RALY: variants seen among roughly 807,000 people sequenced by gnomAD.
RALY encodes the protein RALY heterogeneous nuclear ribonucleoprotein, also known as RNA-binding protein Raly.
A neutral mutation model predicts 30.7 loss-of-function variants in RALY; 15 were observed. The ratio of observed to expected loss-of-function variants is 0.49; its 90% CI spans 0.33 to 0.75. The LOEUF (loss-of-function observed/expected upper bound fraction) is 0.75. Among genes scored for constraint, RALY ranks in the 30% least tolerant of loss-of-function variants. RALY has a pLI of 0.02. For missense variants in RALY, 339 were observed against 414.3 expected (o/e 0.82, Z 1.58); for synonymous variants, 177 against 170.8 (o/e 1.04, Z -0.28).
intron 1 of RALY, among the ~76,000 whole-genome samples, chr20:33,997,041 C>T (rs1293352816): frequency 2.0e-5 from 3 of 152,178 alleles, no homozygotes; most frequent in African/African-American, 4.8e-5. Context: ...TTTTCTCCCC[C>T]TTAGGTTGAT....
intron 2 of RALY, among the ~76,000 whole-genome samples, chr20:34,067,818 T>TTTC (rs540620120): frequency 3.4e-4 from 42 of 123,762 alleles, no homozygotes; most frequent in African/African-American, 1.5e-3. Context: ...TCTTTTTTCT[T>TTTC]TTTTTTTTTT....
At chr20:34,028,856 T>C (rs1048005448) in intron 1 of RALY, among the ~76,000 whole-genome samples, 1 of 151,618 alleles carries the variant, frequency 6.6e-6, no homozygotes, top group Non-Finnish European at 1.5e-5. Context: ...GAGACAACAG[T>C]GTGGACCAAA....
intron 2 of RALY, among the ~76,000 whole-genome samples, chr20:34,035,945 T>C (rs1258139506): frequency 1.3e-5 from 2 of 152,170 alleles, no homozygotes; most frequent in Non-Finnish European, 2.9e-5. Flanking sequence ...TTTCTAGGCA[T>C]AGAGCGTGCT....
chr20:33,997,972 G>T (rs1428791360), intron 1 of RALY, among the ~76,000 whole-genome samples: 2 of 152,216 alleles, frequency 1.3e-5, no homozygotes, highest in African/African-American at 2.4e-5. Context: ...TGAGGTCAGT[G>T]TGTTGAATTT....
intron 1 of RALY, among the ~76,000 whole-genome samples, chr20:34,001,696 C>T (rs1483930260): frequency 6.6e-6 from 1 of 152,204 alleles, no homozygotes; most frequent in Non-Finnish European, 1.5e-5. Context: ...GGGTCATTTC[C>T]ATAACTTCAT....
chr20:34,041,863 T>C (rs2032713494), intron 2 of RALY, among the ~76,000 whole-genome samples: 1 of 152,146 alleles, frequency 6.6e-6, no homozygotes, highest in East Asian at 1.9e-4. Flanking sequence ...GCCAGCACTT[T>C]GGGAGGCTGA....
At chr20:34,072,452 A>G (rs950287586) in intron 3 of RALY, 122 bp downstream of exon 3, 12 of 1,304,618 alleles carry the variant, frequency 9.2e-6, no homozygotes, top group Non-Finnish European at 1.2e-5. Flanking sequence ...TTATAAATTT[A>G]TAAGCTATGT....
At chr20:34,054,251 C>T (rs2033170944) in intron 2 of RALY, among the ~76,000 whole-genome samples, 1 of 152,128 alleles carries the variant, frequency 6.6e-6, no homozygotes, top group Non-Finnish European at 1.5e-5. Flanking sequence ...TCACTGGTTG[C>T]TAGTATAGTG....
At chr20:34,066,354 C>CT (rs1376118108) in intron 2 of RALY, among the ~76,000 whole-genome samples, 1 of 152,042 alleles carries the variant, frequency 6.6e-6, no homozygotes, top group African/African-American at 2.4e-5. Context: ...TGGCGGGCAC[C>CT]TGTAGTACCA....
intron 1 of RALY, among the ~76,000 whole-genome samples, chr20:34,018,551 C>G (rs2031694050): frequency 6.6e-6 from 1 of 152,198 alleles, no homozygotes; most frequent in Non-Finnish European, 1.5e-5. Flanking sequence ...TCTAATTACC[C>G]TAATTAAAAC....
intron 2 of RALY, among the ~76,000 whole-genome samples, chr20:34,071,208 C>T (rs1423418495): frequency 1.3e-5 from 2 of 152,284 alleles, no homozygotes; most frequent in South Asian, 2.1e-4. Context: ...CATTATCGGG[C>T]TTAGCTAGCA....
At chr20:34,056,122 C>T (rs1055201676) in intron 2 of RALY, among the ~76,000 whole-genome samples, 10 of 152,178 alleles carry the variant, frequency 6.6e-5, no homozygotes, top group South Asian at 2.1e-4. Context: ...GATCTGATCT[C>T]GGCTAGGCAC....
intron 6 of RALY, 121 bp from the exon 7 acceptor site, chr20:34,076,581 A>C: frequency 1.1e-6 from 1 of 872,492 alleles, no homozygotes; most frequent in Admixed American, 2.7e-5. Flanking sequence ...CTAAGCAGGG[A>C]AAAAACAAAA....
At chr20:33,996,583 C>G (rs1002782745) in intron 1 of RALY, among the ~76,000 whole-genome samples, 3 of 151,940 alleles carry the variant, frequency 2.0e-5, no homozygotes, top group Non-Finnish European at 2.9e-5. Context: ...AGTATTCAGA[C>G]TGCAGACAGT....
At chr20:34,079,053 C>T (rs912873431) in intron 9 of RALY, among the ~76,000 whole-genome samples, 1 of 152,194 alleles carries the variant, frequency 6.6e-6, no homozygotes, top group Non-Finnish European at 1.5e-5. Context: ...CCTGTGGCTG[C>T]AGTGCCCCCC....
chr20:34,077,392 A>G, intron 8 of RALY, 147 bp downstream of exon 8: 1 of 1,514,178 alleles, frequency 6.6e-7, no homozygotes. Context: ...TGGGGGAAAG[A>G]GGGAAGAATG....
chr20:34,079,516 AAG>A (rs1239802659), intron 9 of RALY, among the ~76,000 whole-genome samples: 2 of 152,224 alleles, frequency 1.3e-5, no homozygotes, highest in Non-Finnish European at 2.9e-5. Context: ...ATGCTGTAGT[AAG>A]ATATCCCACC....
intron 2 of RALY, among the ~76,000 whole-genome samples, chr20:34,052,228 C>T (rs956033629): frequency 3.3e-4 from 51 of 152,276 alleles, no homozygotes; most frequent in African/African-American, 1.2e-3. Context: ...CTCTTGGGAA[C>T]GAGTTGAGAG....
intron 1 of RALY, among the ~76,000 whole-genome samples, chr20:34,021,867 A>G (rs1340276391): frequency 6.6e-6 from 1 of 151,476 alleles, no homozygotes; most frequent in East Asian, 1.9e-4. Flanking sequence ...AAATTTTTTT[A>G]TTATTAAAAA....
Sources: allele counts gnomAD v4.1 joint callset (sites outside exome capture counted in the v4.1 genomes callset), GRCh38; gene constraint gnomAD v4.1.1; transcripts MANE v1.5; gene names NCBI Gene and HGNC (gene_info 2026-07-23, HGNC 2026-07-21).